The following PCSK2 variants were observed in gnomAD, a reference collection of about 807,000 sequenced individuals.
PCSK2 encodes proprotein convertase subtilisin/kexin type 2.
In PCSK2, 14 loss-of-function variants were observed where a neutral mutation model predicts 69.7. The observed-to-expected ratio is 0.20, with a 90% CI of 0.13 to 0.31. PCSK2 has a LOEUF of 0.31. Ranked by LOEUF, PCSK2 falls within the 10% of genes least tolerant of loss-of-function variation. The pLI, the probability that PCSK2 is intolerant of heterozygous loss-of-function variation, is 1.00. For missense variants in PCSK2, 544 were observed against 842.5 expected, an observed-to-expected ratio of 0.65 and a Z score of 4.39; for synonymous variants, 307 against 320.7, an observed-to-expected ratio of 0.96 and a Z score of 0.46.
rs757305070 is a variant in PCSK2 at position 17,481,633 on chromosome 20, TG to T, written c.1481del (p.Cys494LeufsTer28). 6.2e-7 allele frequency: 1 copy of T among 1,614,006 alleles called. No individual in the cohort carries two copies. Among genetic ancestry groups the T allele is most frequent in the Non-Finnish European group, 8.5e-7 (1 of 1,180,000 alleles). On this transcript the variant is annotated frameshift_variant, in exon 12 of 12. Coordinates refer to ENST00000262545, the MANE Select transcript of PCSK2 (RefSeq NM_002594.5). LOFTEE classifies it high-confidence loss of function. ...GGTGCTGACACTCACAACCGACGCC[TG>T]TGAGGGGAAGGAAAATTTTGTCCGC... Reference protein sequence around the residue: ...KLVLTLTTDACEGKENFVRYL... With the variant: ...KLVLTLTTDAXEGKENFVRYL...
chr20:17,294,920 C>T (rs1449724670), intron 2 of PCSK2, among the ~76,000 whole-genome samples: 2 of 152,054 alleles, frequency 1.3e-5, no homozygotes, highest in Non-Finnish European at 2.9e-5. Context: ...ACACTTCTTA[C>T]CCTCCCTTCC....
intron 11 of PCSK2, among the ~76,000 whole-genome samples, chr20:17,472,102 G>A (rs375438171): frequency 5.9e-5 from 9 of 152,370 alleles, no homozygotes; most frequent in Admixed American, 5.2e-4. Context: ...CCAGCTGTGT[G>A]TAGAATGAGC....
chr20:17,449,524 ATG>A (rs1198946363), intron 8 of PCSK2, among the ~76,000 whole-genome samples: 1 of 100,140 alleles, frequency 1.0e-5, no homozygotes, highest in Admixed American at 9.2e-5. Context: ...ATATGTATGT[ATG>A]TATATATATA....
At chr20:17,316,238 G>T (rs1989685078) in intron 2 of PCSK2, among the ~76,000 whole-genome samples, 1 of 152,146 alleles carries the variant, frequency 6.6e-6, no homozygotes, top group South Asian at 2.1e-4. Context: ...ACCCTCGCAC[G>T]TTTCTTTTCT....
intron 5 of PCSK2, among the ~76,000 whole-genome samples, chr20:17,384,977 T>G (rs760509727): frequency 6.6e-5 from 10 of 152,198 alleles, no homozygotes; most frequent in Non-Finnish European, 1.5e-4. Context: ...AAAGAGGACC[T>G]TTCTTTGTCT....
intron 4 of PCSK2, 129 bp from the exon 5 acceptor site, chr20:17,369,111 G>A (rs1329055430): frequency 5.4e-6 from 4 of 743,390 alleles, no homozygotes; most frequent in South Asian, 1.5e-5. Flanking sequence ...TGTGTGATGG[G>A]GCACTCACCC....
chr20:17,248,279 A>T (rs2122969028), intron 1 of PCSK2, among the ~76,000 whole-genome samples: 1 of 152,070 alleles, frequency 6.6e-6, no homozygotes, highest in East Asian at 1.9e-4. Context: ...TCTTACTAGG[A>T]TACTCAGGTG....
chr20:17,475,691 A>G (rs2033278538), intron 11 of PCSK2, among the ~76,000 whole-genome samples: 1 of 152,200 alleles, frequency 6.6e-6, no homozygotes, highest in Non-Finnish European at 1.5e-5. Context: ...CCAGTCCACA[A>G]GGGTCCTGGG....
chr20:17,263,406 T>G (rs1256204481), intron 2 of PCSK2, among the ~76,000 whole-genome samples: 2 of 152,264 alleles, frequency 1.3e-5, no homozygotes, highest in Non-Finnish European at 2.9e-5. Context: ...ATTAGCTGAC[T>G]GCCAAGTATC....
intron 2 of PCSK2, among the ~76,000 whole-genome samples, chr20:17,334,057 C>G (rs538328204): frequency 2.6e-5 from 4 of 151,820 alleles, no homozygotes; most frequent in African/African-American, 7.2e-5. Context: ...ATAACTTGCC[C>G]AAGTAACACA....
intron 2 of PCSK2, among the ~76,000 whole-genome samples, chr20:17,327,465 T>A (rs1990092542): frequency 6.6e-6 from 1 of 152,138 alleles, no homozygotes; most frequent in Non-Finnish European, 1.5e-5. Flanking sequence ...ACATCCTGTA[T>A]CCTCCAAAGA....
chr20:17,357,950 C>T (rs2030260276), intron 2 of PCSK2, among the ~76,000 whole-genome samples: 1 of 151,536 alleles, frequency 6.6e-6, no homozygotes, highest in Admixed American at 6.6e-5. Flanking sequence ...TAGGGAAACT[C>T]ACTTTGAGTC....
intron 2 of PCSK2, among the ~76,000 whole-genome samples, chr20:17,274,666 C>T (rs1987991967): frequency 6.6e-6 from 1 of 152,036 alleles, no homozygotes; most frequent in African/African-American, 2.4e-5. Flanking sequence ...ATCTTTTAGC[C>T]CCAGTCCCAA....
intron 6 of PCSK2, among the ~76,000 whole-genome samples, chr20:17,421,326 C>A (rs1050562389): frequency 2.0e-5 from 3 of 152,190 alleles, no homozygotes; most frequent in Non-Finnish European, 4.4e-5. Flanking sequence ...GGCAGCTTTG[C>A]TCATTCTCAC....
intron 1 of PCSK2, among the ~76,000 whole-genome samples, chr20:17,246,540 G>A (rs1451595528): frequency 6.6e-6 from 1 of 151,996 alleles, no homozygotes; most frequent in Non-Finnish European, 1.5e-5. Context: ...GTAAAAGTAT[G>A]AACCAAGAGA....
chr20:17,249,947 A>G (rs1986913020), intron 1 of PCSK2, among the ~76,000 whole-genome samples: 1 of 152,212 alleles, frequency 6.6e-6, no homozygotes, highest in South Asian at 2.1e-4. Context: ...AGTGTACTTA[A>G]TATCACTGAA....
At chr20:17,434,294 C>T (rs1440223621) in intron 7 of PCSK2, among the ~76,000 whole-genome samples, 1 of 151,960 alleles carries the variant, frequency 6.6e-6, no homozygotes, top group Admixed American at 6.6e-5. Context: ...CCCACATTCC[C>T]CTGTAGCTCC....
intron 2 of PCSK2, among the ~76,000 whole-genome samples, chr20:17,288,235 C>T (rs1988584079): frequency 6.6e-6 from 1 of 152,198 alleles, no homozygotes; most frequent in African/African-American, 2.4e-5. Context: ...TCTACCTCAG[C>T]AGGTGTCTGC....
chr20:17,469,927 C>T (rs2033172135), intron 11 of PCSK2, among the ~76,000 whole-genome samples: 1 of 152,090 alleles, frequency 6.6e-6, no homozygotes, highest in South Asian at 2.1e-4. Context: ...GATTCTGAAA[C>T]ACCCACCTAG....
Sources: gnomAD v4.1 joint callset for allele counts (sites outside exome capture counted in the v4.1 genomes callset) on GRCh38, gnomAD v4.1.1 for gene constraint, MANE v1.5 for transcripts, NCBI Gene and HGNC (gene_info 2026-07-23, HGNC 2026-07-21) for gene names.